Variants in SPAG16 observed in about 807,000 individuals in gnomAD.
SPAG16 encodes the protein sperm-associated antigen 16 protein.
In SPAG16, 86 loss-of-function variants were observed where a neutral mutation model predicts 80.4. The ratio of observed to expected loss-of-function variants is 1.07; its 90% CI spans 0.90 to 1.28. SPAG16 has a LOEUF of 1.28. Ranked by LOEUF, SPAG16 falls within the 50% of genes most tolerant of loss-of-function variation. SPAG16 has a pLI of 0.00. For missense variants in SPAG16, 870 were observed against 765.3 expected, an observed-to-expected ratio of 1.14 and a Z score of -1.61; for synonymous variants, 294 against 265.9, an observed-to-expected ratio of 1.11 and a Z score of -1.03.
intron 11 of SPAG16, among the ~76,000 whole-genome samples, chr2:213,913,841 A>ATCCCC (rs1398368257): frequency 5.3e-5 from 8 of 152,222 alleles, no homozygotes; most frequent in Admixed American, 3.3e-4. Flanking sequence ...GGATCCAGGG[A>ATCCCC]AGAGTAGATG....
intron 8 of SPAG16, among the ~76,000 whole-genome samples, chr2:213,370,957 C>A (rs989472457): frequency 2.0e-5 from 3 of 152,178 alleles, no homozygotes; most frequent in Non-Finnish European, 4.4e-5. Flanking sequence ...AAATCCTGTA[C>A]TGAATAATTT....
chr2:214,074,955 TACA>T (rs1202008975), intron 13 of SPAG16, among the ~76,000 whole-genome samples: 2 of 152,104 alleles, frequency 1.3e-5, no homozygotes, highest in Non-Finnish European at 2.9e-5. Flanking sequence ...AGTCAAAACC[TACA>T]ACAACTTTAA....
chr2:213,919,498 T>G (rs1372366454), intron 11 of SPAG16, among the ~76,000 whole-genome samples: 1 of 152,220 alleles, frequency 6.6e-6, no homozygotes, highest in African/African-American at 2.4e-5. Flanking sequence ...TGGTTCTCAT[T>G]AGTTTCAAAT....
intron 14 of SPAG16, among the ~76,000 whole-genome samples, chr2:214,128,886 A>C (rs1427968196): frequency 6.6e-6 from 1 of 151,806 alleles, no homozygotes; most frequent in African/African-American, 2.4e-5. Flanking sequence ...AGCAGTGCTC[A>C]AACTAGGGCT....
chr2:214,133,549 C>T (rs1280903828), intron 14 of SPAG16, among the ~76,000 whole-genome samples: 2 of 151,850 alleles, frequency 1.3e-5, no homozygotes, highest in Non-Finnish European at 2.9e-5. Context: ...CCCAGCTACT[C>T]CGGAGCCTGA....
intron 15 of SPAG16, among the ~76,000 whole-genome samples, chr2:214,264,785 T>G (rs1202191797): frequency 2.0e-5 from 3 of 152,142 alleles, no homozygotes; most frequent in Non-Finnish European, 4.4e-5. Context: ...TCCCTTCTTC[T>G]TCCTTCCTCC....
chr2:213,831,892 A>G (rs1041910495), intron 10 of SPAG16, among the ~76,000 whole-genome samples: 1 of 152,158 alleles, frequency 6.6e-6, no homozygotes, highest in Non-Finnish European at 1.5e-5. Context: ...TGCTCACTAT[A>G]ATGTGACTAG....
chr2:213,935,878 T>C (rs778073779), intron 12 of SPAG16, among the ~76,000 whole-genome samples: 1 of 152,172 alleles, frequency 6.6e-6, no homozygotes, highest in Non-Finnish European at 1.5e-5. Context: ...GCTATAATAG[T>C]GAAAAACTTC....
At chr2:214,013,006 A>G (rs948470867) in intron 12 of SPAG16, among the ~76,000 whole-genome samples, 7 of 152,142 alleles carry the variant, frequency 4.6e-5, no homozygotes, top group Non-Finnish European at 8.8e-5. Context: ...TCCAAGTGAC[A>G]GTGATACTGC....
At chr2:213,487,786 C>T (rs184163082) in intron 9 of SPAG16, among the ~76,000 whole-genome samples, 5 of 152,128 alleles carry the variant, frequency 3.3e-5, no homozygotes, top group Non-Finnish European at 7.4e-5. Context: ...GTTCAAACAA[C>T]TATATAAGAC....
chr2:214,047,239 C>T (rs190766337), intron 13 of SPAG16, among the ~76,000 whole-genome samples: 8 of 152,028 alleles, frequency 5.3e-5, no homozygotes, highest in African/African-American at 1.4e-4. Flanking sequence ...CTATCCTAAG[C>T]AAAAAAGAAC....
At chr2:214,131,149 G>T (rs1370258144) in intron 14 of SPAG16, among the ~76,000 whole-genome samples, 1 of 152,030 alleles carries the variant, frequency 6.6e-6, no homozygotes, top group Non-Finnish European at 1.5e-5. Context: ...GCTAGGTGTG[G>T]TAGCTCAAAC....
chr2:213,405,615 C>G (rs943443936), intron 9 of SPAG16, among the ~76,000 whole-genome samples: 4 of 152,182 alleles, frequency 2.6e-5, no homozygotes, highest in Non-Finnish European at 5.9e-5. Flanking sequence ...TAACCAACCT[C>G]TCTGCCTTTT....
intron 15 of SPAG16, among the ~76,000 whole-genome samples, chr2:214,357,740 T>C (rs1698914898): frequency 6.6e-6 from 1 of 151,972 alleles, no homozygotes. Flanking sequence ...TGTGGCTTGT[T>C]ACCTTATTTA....
At chr2:214,012,510 G>T (rs2047363618) in intron 12 of SPAG16, among the ~76,000 whole-genome samples, 1 of 151,118 alleles carries the variant, frequency 6.6e-6, no homozygotes, top group African/African-American at 2.4e-5. Flanking sequence ...TGGTCAGGCT[G>T]GTCTCGAACA....
chr2:213,713,995 A>T (rs140561873), intron 10 of SPAG16, among the ~76,000 whole-genome samples: 1,595 of 152,294 alleles, frequency 0.01, 28 homozygotes, highest in Middle Eastern at 0.017. Context: ...ATAACATGAG[A>T]AAAAAAGGAT....
At chr2:213,887,284 T>A (rs2076593311) in intron 11 of SPAG16, among the ~76,000 whole-genome samples, 3 of 152,100 alleles carry the variant, frequency 2.0e-5, no homozygotes, top group Non-Finnish European at 2.9e-5. Context: ...TTGTTGCATT[T>A]AATAGTCATG....
At position 213,930,012 on chromosome 2, in the gene SPAG16, C is replaced by A. The variant is rs759690529; in HGVS notation, c.1267C>A (p.Leu423Ile). ...TGACACTACAGTTAAATTATGGGAT[C>A]TATGTAAAGGCGATTGCATTTTGAC... ...SGDTTVKLWDLCKGDCILTFE... is the reference protein window; with the variant it reads ...SGDTTVKLWDICKGDCILTFE... The change falls in exon 12 of 16, where the codon CTA (leucine) becomes ATA (isoleucine). Residue 423 changes from leucine to isoleucine, a missense_variant. Coordinates refer to ENST00000331683, the MANE Select transcript of SPAG16 (RefSeq NM_024532.5). The A allele has an allele frequency of 1.9e-6, 3 of 1,613,706 alleles. No homozygotes were observed. The South Asian group carries it at 3.3e-5, about 18-fold the overall frequency.
At chr2:213,940,210 T>G (rs553639078) in intron 12 of SPAG16, among the ~76,000 whole-genome samples, 1 of 152,346 alleles carries the variant, frequency 6.6e-6, no homozygotes, top group South Asian at 2.1e-4. Context: ...TCTGACAAGT[T>G]TATGAAAACC....
Sources: gnomAD v4.1 joint callset for allele counts (sites outside exome capture counted in the v4.1 genomes callset) on GRCh38, gnomAD v4.1.1 for gene constraint, MANE v1.5 for transcripts, NCBI Gene and HGNC (gene_info 2026-07-23, HGNC 2026-07-21) for gene names.